ING1: variants seen among roughly 807,000 people sequenced by gnomAD.
The protein encoded by ING1 is inhibitor of growth family member 1, also known as inhibitor of growth protein 1.
A neutral mutation model predicts 23.1 loss-of-function variants in ING1; 4 were observed. The ratio of observed to expected loss-of-function variants is 0.17; its 90% CI spans 0.09 to 0.40. ING1 has a LOEUF of 0.40. ING1 is among the 10% of genes least tolerant of loss of function. The pLI is 1.00. For synonymous variants in ING1, 179 were observed against 166.4 expected (o/e 1.08, Z -0.58); for missense variants, 256 against 393.8 (o/e 0.65, Z 2.96).
intron 1 of ING1, chr13:110,715,720 A>G (rs766718834): frequency 1.9e-6 from 3 of 1,588,962 alleles, no homozygotes; most frequent in Non-Finnish European, 1.7e-6. Context: ...TCCGCCCTCC[A>G]AATCGGCGAT....
chr13:110,713,114 A>G, upstream of ING1: 1 of 1,435,984 alleles, frequency 7.0e-7, no homozygotes, highest in African/African-American at 1.4e-5. Context: ...TCTAGTAGTA[A>G]GAGTCCGGGG....
intron 1 of ING1, chr13:110,715,168 T>C: frequency 8.4e-7 from 1 of 1,190,848 alleles, no homozygotes; most frequent in Non-Finnish European, 1.0e-6. Flanking sequence ...GGGGAAACTT[T>C]CCTGCGAGGT....
At chr13:110,716,854 C>T (rs1382105194) in intron 1 of ING1, among the ~76,000 whole-genome samples, 1 of 152,168 alleles carries the variant, frequency 6.6e-6, no homozygotes, top group African/African-American at 2.4e-5. Flanking sequence ...AGGATGGCTT[C>T]CTATTTAGCA....
At chr13:110,714,926 T>G (rs1225108616) in intron 1 of ING1, 2 of 954,142 alleles carry the variant, frequency 2.1e-6, no homozygotes, top group Non-Finnish European at 1.2e-6. Context: ...GGTTGTAGTT[T>G]GCGGAGGACG....
chr13:110,713,682 T>C (rs2064068852), upstream of ING1: 4 of 985,014 alleles, frequency 4.1e-6, no homozygotes, highest in African/African-American at 1.8e-5. Context: ...GTTTCCCAAG[T>C]GTTTGAAACT....
intron 1 of ING1, chr13:110,715,651 C>T (rs759432527): frequency 6.2e-7 from 1 of 1,612,758 alleles, no homozygotes; most frequent in Non-Finnish European, 8.5e-7. Context: ...TGGTTCTTCT[C>T]GCTGCTGGGG....
chr13:110,714,349 CGGAGCCGGGCCGGTCCTGCCGT>C, intron 1 of ING1, 64 bp downstream of exon 1: 2 of 1,388,800 alleles, frequency 1.4e-6, no homozygotes, highest in Admixed American at 5.2e-5. Flanking sequence ...GGGCGCGCCG[CGGAGCCGGGCCGGTCCTGCCGT>C]GGACCGGAGG....
At chr13:110,713,013 A>C (rs1262878584), upstream of ING1, 1 of 1,525,000 alleles carries the variant, frequency 6.6e-7, no homozygotes, top group Non-Finnish European at 8.8e-7. Flanking sequence ...CGCAGCTCAA[A>C]GGACACCGAG....
chr13:110,713,254 G>C (rs1026161853), upstream of ING1: 1 of 1,345,522 alleles, frequency 7.4e-7, no homozygotes, highest in Admixed American at 3.3e-5. Flanking sequence ...TGTGGGGCGG[G>C]GACGAAGAGT....
chr13:110,717,525 A>G (rs2064133733), intron 1 of ING1, among the ~76,000 whole-genome samples: 1 of 152,146 alleles, frequency 6.6e-6, no homozygotes. Flanking sequence ...CCCCTCCCCT[A>G]GTTTACAAGT....
rs1566377140 is a variant in ING1, at chr13:110,713,958, C to T, written c.-192C>T. 2 of 1,035,026 alleles carry T rather than the reference C, an allele frequency of 1.9e-6. No individual in the cohort carries two copies. The allele number at this position is 1,035,026 out of a possible 1,614,324, so 64.1% of individuals were successfully genotyped here. On this transcript the variant is annotated 5_prime_UTR_variant, in exon 1 of 2. Transcript: ENST00000333219. ...CGCCACCGCGGCCCGCGCCCTCAGGCGCTGGGGTCCCCGCGGACCCGGAGG... is the reference window on the plus strand; with the variant it reads ...CGCCACCGCGGCCCGCGCCCTCAGGTGCTGGGGTCCCCGCGGACCCGGAGG...
intron 1 of ING1, chr13:110,715,867 G>A: frequency 6.3e-7 from 1 of 1,595,640 alleles, no homozygotes; most frequent in Admixed American, 1.7e-5. Context: ...ATTTATAGCA[G>A]TAGCAGTGAT....
At chr13:110,713,665 G>A (rs1352498713), upstream of ING1, 2 of 985,436 alleles carry the variant, frequency 2.0e-6, no homozygotes, top group South Asian at 4.7e-5. Context: ...GCGCAGCGGG[G>A]CTGAATGTTT....
At position 110,719,976 on chromosome 13, in the gene ING1, G is replaced by A. The variant is rs1387602305; in HGVS notation, c.*44G>A. 7.3e-7 allele frequency: 1 copy of A among 1,379,042 alleles called. No homozygotes were observed. The highest frequency in any genetic ancestry group is 2.6e-5 in the Admixed American group (1 of 38,666). The allele number at this position is 1,379,042 out of a possible 1,614,324, so 85.4% of individuals were successfully genotyped here. A position where few individuals can be genotyped will look rare whatever the true frequency, so the allele number is the denominator to read the frequency against. ...GTGTGAGGAGGACAAAATAAACCGT[G>A]TATTTATTACATTGCTGCCTTTGTT... On this transcript the variant is annotated 3_prime_UTR_variant, in exon 2 of 2. Coordinates refer to ENST00000333219, the MANE Select transcript of ING1 (RefSeq NM_198219.3). This position sits in a 1 kb window ranked among gnomAD's most constrained non-coding sequence, Gnocchi z 8.9.
At position 110,719,530 on chromosome 13, in the gene ING1, C is replaced by T; in HGVS notation, c.438C>T (p.Asn146=). ...GEAAAQADKP[N]SKRSRRQRNN... ...CGGCAGCGCAGGCTGACAAGCCCAA[C>T]AGCAAGCGCTCACGGCGGCAGCGCA... is the stretch of plus-strand genomic sequence containing the variant. Residue 146 remains asparagine (N), a synonymous_variant, in exon 2 of 2, where the codon AAC becomes AAT. Coordinates refer to ENST00000333219, the MANE Select transcript of ING1 (RefSeq NM_198219.3). This position sits in a 1 kb window ranked among gnomAD's most constrained non-coding sequence, Gnocchi z 8.9. 6.2e-7 allele frequency: 1 copy of T among 1,610,952 alleles called. No homozygotes were observed. Among genetic ancestry groups the T allele is most frequent in the Non-Finnish European group, 8.5e-7 (1 of 1,178,828 alleles).
rs1594458856 is a variant in ING1, at chr13:110,720,925, C to T, written c.*993C>T. ...AATGAAGTAGAAGTTACTTAATTGC[C>T]AGCAAATAAATACGTGTCAAAAAAG... is the stretch of plus-strand genomic sequence containing the variant. On this transcript the variant is annotated 3_prime_UTR_variant, in exon 2 of 2. Transcript: ENST00000333219. 1 of 167,020 alleles carries T rather than the reference C, an allele frequency of 6.0e-6. No homozygotes were observed. Among genetic ancestry groups the T allele is most frequent in the African/African-American group, 2.4e-5 (1 of 41,428 alleles). 10.3% of individuals were successfully genotyped at this position (167,020 alleles called of 1,614,324 possible).
chr13:110,715,016 C>T, intron 1 of ING1: 2 of 991,978 alleles, frequency 2.0e-6, no homozygotes, highest in Non-Finnish European at 2.4e-6. Flanking sequence ...CTGCGCTGCG[C>T]TCGGGGGGGC....
At position 110,720,346 on chromosome 13, in the gene ING1, G is replaced by A. The variant is rs2064162200; in HGVS notation, c.*414G>A. 5.9e-6 allele frequency: 1 copy of A among 168,112 alleles called. No homozygotes were observed. Among genetic ancestry groups the A allele is most frequent in the African/African-American group, 2.4e-5 (1 of 41,442 alleles). The allele number at this position is 168,112 out of a possible 1,614,324, so 10.4% of individuals were successfully genotyped here. A position where few individuals can be genotyped will look rare whatever the true frequency, so the allele number is the denominator to read the frequency against. ...CATGTCGCCAAAAATACAGCCTATA[G>A]TAAATGTGTTTCTTGCTGCCATGAT... is the stretch of plus-strand genomic sequence containing the variant. On this transcript the variant is annotated 3_prime_UTR_variant, in exon 2 of 2. Transcript: ENST00000333219.
At position 110,719,366 on chromosome 13, in the gene ING1, G is replaced by A; in HGVS notation, c.274G>A (p.Val92Met). The A allele has an allele frequency of 1.2e-6, 2 of 1,609,842 alleles. No homozygotes were observed. Among genetic ancestry groups the A allele is most frequent in the South Asian group, 1.1e-5 (1 of 91,064 alleles). The change falls in exon 2 of 2, where the codon GTG becomes ATG. Residue 92 changes from valine (V) to methionine (M), a missense_variant. Transcript: ENST00000333219. The surrounding 1 kb of genome is among the most constrained non-coding windows in gnomAD (Gnocchi z 8.9). Reference sequence around the variant, plus strand: ...GCTGGGCGACGAGAAGATCCAGATCGTGAGCCAGATGGTGGAGCTGGTGGA... The same window carrying A: ...GCTGGGCGACGAGAAGATCCAGATCATGAGCCAGATGGTGGAGCTGGTGGA... Reference protein sequence around the residue: ...QELGDEKIQIVSQMVELVENR... With the variant: ...QELGDEKIQIMSQMVELVENR...
Sources: gnomAD v4.1 joint callset for allele counts (sites outside exome capture counted in the v4.1 genomes callset) on GRCh38, gnomAD v4.1.1 for gene constraint, Gnocchi (gnomAD v3.1) non-coding constraint, MANE v1.5 for transcripts, NCBI Gene and HGNC (gene_info 2026-07-23, HGNC 2026-07-21) for gene names.